Variants in SRRM4 observed in about 807,000 individuals in gnomAD.
The protein encoded by SRRM4 is serine/arginine repetitive matrix 4.
Under a neutral mutation model 68.9 loss-of-function variants are expected in SRRM4, and 33 were observed. That is an observed-to-expected ratio of 0.48 (90% CI 0.36 to 0.64). The LOEUF is 0.64. Among genes scored for constraint, SRRM4 ranks in the 30% least tolerant of loss-of-function variants. The pLI is 0.00. For missense variants in SRRM4, 817 were observed against 827.1 expected, an observed-to-expected ratio of 0.99 and a Z score of 0.15; for synonymous variants, 318 against 318.8, an observed-to-expected ratio of 1.00 and a Z score of 0.03.
At chr12:119,020,765 G>T (rs960114664) in intron 1 of SRRM4, among the ~76,000 whole-genome samples, 1 of 152,194 alleles carries the variant, frequency 6.6e-6, no homozygotes, top group Non-Finnish European at 1.5e-5. Context: ...CTGGCGAGAG[G>T]TTTTATATCA....
At chr12:119,125,264 G>A (rs890951849) in intron 6 of SRRM4, 117 bp from the exon 7 acceptor site, 2 of 888,566 alleles carry the variant, frequency 2.3e-6, no homozygotes, top group East Asian at 2.8e-5. Flanking sequence ...GGAGAACTTC[G>A]GGAGGGATGG....
intron 1 of SRRM4, among the ~76,000 whole-genome samples, chr12:119,074,378 AC>A (rs1953896171): frequency 6.6e-6 from 1 of 152,192 alleles, no homozygotes. Flanking sequence ...GGGCAGAAGC[AC>A]CATCTTTGTG....
chr12:119,084,770 G>C (rs1953969665), intron 1 of SRRM4, among the ~76,000 whole-genome samples: 1 of 152,184 alleles, frequency 6.6e-6, no homozygotes, highest in South Asian at 2.1e-4. Context: ...ACAAAGAAGG[G>C]ACACAACAGG....
intron 1 of SRRM4, among the ~76,000 whole-genome samples, chr12:119,032,408 A>AT (rs1209798280): frequency 1.3e-5 from 2 of 152,150 alleles, no homozygotes; most frequent in Admixed American, 6.5e-5. Context: ...GATCAAATTT[A>AT]TTTTTTGTGC....
intron 1 of SRRM4, among the ~76,000 whole-genome samples, chr12:118,995,386 G>A (rs1565885650): frequency 6.6e-6 from 1 of 152,202 alleles, no homozygotes; most frequent in Non-Finnish European, 1.5e-5. Context: ...GATAAGGAAA[G>A]ATGAGAAAAC....
At chr12:119,128,522 TGAA>T (rs1954274709) in intron 7 of SRRM4, among the ~76,000 whole-genome samples, 1 of 152,178 alleles carries the variant, frequency 6.6e-6, no homozygotes, top group South Asian at 2.1e-4. Flanking sequence ...CCCTATGGTA[TGAA>T]GGAGTGACAA....
At chr12:119,013,974 T>C (rs766886433) in intron 1 of SRRM4, among the ~76,000 whole-genome samples, 7 of 152,086 alleles carry the variant, frequency 4.6e-5, no homozygotes, top group Non-Finnish European at 1.0e-4. Context: ...TATTTGACCA[T>C]TACTTGATGG....
Position 119,125,314 on chromosome 12 carries a change from TCTCTCA to T in SRRM4, c.516-61_516-56del, listed in dbSNP as rs1231303212. On this transcript the variant is annotated intron_variant, in intron 6 of 12. Transcript: ENST00000267260. ...GAAAAACGGGTGTCACAAGATCAAA[TCTCTCA>T]CTCTCCCTTTTTTACTCTCTCTCTC... 4.9e-6 allele frequency: 7 copies of T among 1,426,312 alleles called. No homozygotes were observed. The African/African-American group carries it at 9.9e-5, about 20-fold the overall frequency. The allele number at this position is 1,426,312 out of a possible 1,614,324, so 88.4% of individuals were successfully genotyped here.
At chr12:119,013,101 G>T (rs116567182) in intron 1 of SRRM4, among the ~76,000 whole-genome samples, 83 of 152,288 alleles carry the variant, frequency 5.5e-4, no homozygotes, top group African/African-American at 2.0e-3. Flanking sequence ...CCTTAACTAA[G>T]TTAAGTGACA....
At position 119,056,278 on chromosome 12, in the gene SRRM4, C is replaced by T. The variant is rs570515013; in HGVS notation, c.132-45958C>T. On this transcript the variant is annotated intron_variant, in intron 1 of 12. Transcript: ENST00000267260. Reference sequence around the variant, plus strand: ...CACAATGAGGCTTAAGTATGCTATGCTATCATGTAGAGATGTCATTTGATG... The same window carrying T: ...CACAATGAGGCTTAAGTATGCTATGTTATCATGTAGAGATGTCATTTGATG... Among the ~76,000 whole-genome samples, 5 of 152,314 alleles carry T rather than the reference C, an allele frequency of 3.3e-5. No homozygotes were observed. The South Asian group carries it at 1.0e-3, about 32-fold the overall frequency.
At chr12:119,098,663 A>C (rs893575194) in intron 1 of SRRM4, among the ~76,000 whole-genome samples, 1 of 152,108 alleles carries the variant, frequency 6.6e-6, no homozygotes, top group African/African-American at 2.4e-5. Flanking sequence ...CATCCTAGAA[A>C]AGGGGATAGA....
At position 119,156,868 on chromosome 12, in the gene SRRM4, C is replaced by A. The variant is rs975059705; in HGVS notation, c.*70C>A. Reference sequence around the variant, plus strand: ...GCCTCCCCCAACCACCTGCCCTCCCCGCCTTCTTGGTGACAAATAGTGAGG... The same window carrying A: ...GCCTCCCCCAACCACCTGCCCTCCCAGCCTTCTTGGTGACAAATAGTGAGG... On this transcript the variant is annotated 3_prime_UTR_variant, in exon 13 of 13. Transcript: ENST00000267260. 3 of 1,454,956 alleles carry A rather than the reference C, an allele frequency of 2.1e-6. 1 individual carries two copies. Among genetic ancestry groups the A allele is most frequent in the Non-Finnish European group, 2.7e-6 (3 of 1,107,710 alleles). 90.1% of individuals were successfully genotyped at this position (1,454,956 alleles called of 1,614,324 possible).
chr12:119,046,277 A>C (rs1953706898), intron 1 of SRRM4, among the ~76,000 whole-genome samples: 1 of 152,066 alleles, frequency 6.6e-6, no homozygotes, highest in Non-Finnish European at 1.5e-5. Flanking sequence ...GGAAAGTCCA[A>C]GTCTGACCTC....
intron 8 of SRRM4, among the ~76,000 whole-genome samples, chr12:119,136,124 A>G (rs773253721): frequency 2.6e-5 from 4 of 152,170 alleles, no homozygotes; most frequent in Non-Finnish European, 5.9e-5. Context: ...ACTTATCCCA[A>G]ATAAACCCAG....
At position 119,102,322 on chromosome 12, in the gene SRRM4, G is replaced by T; in HGVS notation, c.218G>T (p.Gly73Val). 6.2e-7 allele frequency: 1 copy of T among 1,613,586 alleles called. No homozygotes were observed. The highest frequency in any genetic ancestry group is 8.5e-7 in the Non-Finnish European group (1 of 1,179,726). The change falls in exon 2 of 13, where the codon GGC becomes GTC. Residue 73 changes from glycine (G) to valine (V), a missense_variant. Physicochemically the swap from Gly to Val is moderately radical, Grantham distance 109. Transcript: ENST00000267260. ...CAGCATCTGGCCACCGAGCCCTTGGGCACCAACAGTTGGGAGAGAGACAAG... is the reference window on the plus strand; with the variant it reads ...CAGCATCTGGCCACCGAGCCCTTGGTCACCAACAGTTGGGAGAGAGACAAG... ...LGQHLATEPL[G>V]TNSWERDKTC...
rs559058720 is a variant in SRRM4, at chr12:119,061,444, A to C, written c.132-40792A>C. Among the ~76,000 whole-genome samples, 12 of 152,296 alleles carry C rather than the reference A, an allele frequency of 7.9e-5. 1 individual carries two copies. Among genetic ancestry groups the C allele is most frequent in the South Asian group, 2.1e-4 (1 of 4,820 alleles). On this transcript the variant is annotated intron_variant, in intron 1 of 12. Transcript: ENST00000267260. ...GACCACTGATTAAATAACAGGCTGC[A>C]GTGAATCCAACCATGAAAGCACTAC...
At position 119,125,392 on chromosome 12, in the gene SRRM4, G is replaced by A. The variant is rs770511797; in HGVS notation, c.527G>A (p.Arg176Gln). The change falls in exon 7 of 13, where the codon CGG (arginine) becomes CAG (glutamine). Residue 176 changes from arginine to glutamine, a missense_variant. By Grantham distance (43) the Arg-to-Gln change is conservative. Transcript: ENST00000267260. ...CTCATCCCCCCAAGATCTCGAAGCC[G>A]GCCCCGAAAGTCTCACCGCCACCGC... Reference protein sequence around the residue: ...EKRHKKQSRSRPRKSHRHRHH... With the variant: ...EKRHKKQSRSQPRKSHRHRHH... The A allele has an allele frequency of 1.7e-5, 27 of 1,611,978 alleles. No individual in the cohort carries two copies. The highest frequency in any genetic ancestry group is 1.6e-4 in the Middle Eastern group (1 of 6,082).
At chr12:119,044,248 A>T (rs1267816761) in intron 1 of SRRM4, among the ~76,000 whole-genome samples, 1 of 152,136 alleles carries the variant, frequency 6.6e-6, no homozygotes, top group Non-Finnish European at 1.5e-5. Flanking sequence ...AAGACTTTCT[A>T]TGTCAGTGGT....
chr12:119,042,381 C>T (rs1444756294), intron 1 of SRRM4, among the ~76,000 whole-genome samples: 1 of 151,996 alleles, frequency 6.6e-6, no homozygotes, highest in Non-Finnish European at 1.5e-5. Context: ...GACAGAGAAA[C>T]AAGACTTGCA....
Sources: gnomAD v4.1 joint callset for allele counts (sites outside exome capture counted in the v4.1 genomes callset) on GRCh38, gnomAD v4.1.1 for gene constraint, MANE v1.5 for transcripts, NCBI Gene and HGNC (gene_info 2026-07-23, HGNC 2026-07-21) for gene names.